Variants in RMC1 observed in about 807,000 individuals in gnomAD.
RMC1 encodes regulator of MON1-CCZ1 complex.
RMC1 carries 44 observed loss-of-function variants against 95.5 expected under a neutral mutation model. The observed-to-expected ratio is 0.46, with a 90% confidence interval of 0.36 to 0.59. The LOEUF (loss-of-function observed/expected upper bound fraction) is 0.59, where lower values mean the gene tolerates loss of function less well. Ranked by LOEUF, RMC1 falls within the 20% of genes least tolerant of loss-of-function variation. The pLI is 0.00. For synonymous variants in RMC1, 320 were observed against 303.6 expected, an observed-to-expected ratio of 1.05 and a Z score of -0.56; for missense variants, 705 against 819.6, an observed-to-expected ratio of 0.86 and a Z score of 1.71.
intron 3 of RMC1, 136 bp downstream of exon 3, chr18:23,507,190 A>C (rs2057737219): frequency 3.9e-6 from 2 of 511,216 alleles, no homozygotes; most frequent in African/African-American, 2.0e-5. Flanking sequence ...GTTGCATTGT[A>C]TTAGAGCCTT....
intron 19 of RMC1, 130 bp from the exon 20 acceptor site, chr18:23,531,495 A>C (rs1399868169): frequency 3.7e-5 from 54 of 1,469,682 alleles, no homozygotes; most frequent in Non-Finnish European, 4.7e-5. Context: ...GGTAACCCCA[A>C]AACTTAGGAA....
chr18:23,503,504 C>G (rs985780018), upstream of RMC1: 18 of 576,962 alleles, frequency 3.1e-5, no homozygotes, highest in South Asian at 5.2e-4. Flanking sequence ...GCGTCCGCGC[C>G]GGGCCCAGAG....
chr18:23,515,671 T>TA (rs1187912130), intron 5 of RMC1, among the ~76,000 whole-genome samples, 185 bp from the exon 6 acceptor site: 1 of 152,204 alleles, frequency 6.6e-6, no homozygotes, highest in Non-Finnish European at 1.5e-5. Flanking sequence ...TAGCTGGAAT[T>TA]ACAGGCATGT....
chr18:23,529,902 G>A (rs556676898), intron 16 of RMC1, 126 bp from the exon 17 acceptor site: 99 of 1,092,112 alleles, frequency 9.1e-5, no homozygotes, highest in Middle Eastern at 6.5e-4. Context: ...CCTGCATGAC[G>A]AAACCACTTC....
chr18:23,503,509 C>A (rs930944022), upstream of RMC1: 8 of 650,498 alleles, frequency 1.2e-5, no homozygotes, highest in South Asian at 4.1e-4. Flanking sequence ...CGCGCCGGGC[C>A]CAGAGCCGCA....
At chr18:23,528,650 G>A (rs57440424) in intron 14 of RMC1, 70,637 of 152,198 alleles carry the variant, frequency 0.46, 16,664 homozygotes, top group East Asian at 0.6. Context: ...AGGGATGGCT[G>A]AGTCCTTTTG....
intron 5 of RMC1, among the ~76,000 whole-genome samples, chr18:23,509,998 T>C (rs2057809023): frequency 6.7e-6 from 1 of 149,798 alleles, no homozygotes; most frequent in South Asian, 2.1e-4. Context: ...TTTTTTTTTT[T>C]TATAATTGCA....
At chr18:23,504,095 G>GTA (rs1005817717) in intron 1 of RMC1, among the ~76,000 whole-genome samples, 2 of 152,204 alleles carry the variant, frequency 1.3e-5, no homozygotes, top group African/African-American at 2.4e-5. Flanking sequence ...GGAAAAGACT[G>GTA]TACTTCAGGC....
Position 23,524,138 on chromosome 18 carries a change from GC to G in RMC1, c.972del (p.Val325Ter). The stretch of plus-strand genomic sequence containing the variant: ...GTTTTCTCAATTTGTAGGTCCTGCT[GC>G]CGTGACCAGCCAGTCTCCTGTTCCA... ...PYQIPITGPA[A>X]VTSQSPVPCK... On this transcript the variant is annotated frameshift_variant, in exon 11 of 20. Transcript: ENST00000269221. LOFTEE classifies it high-confidence loss of function. 6.2e-7 allele frequency: 1 copy of G among 1,614,094 alleles called. No homozygotes were observed. The highest frequency in any genetic ancestry group is 8.5e-7 in the Non-Finnish European group (1 of 1,180,048).
intron 9 of RMC1, among the ~76,000 whole-genome samples, chr18:23,519,880 T>C (rs2058099518): frequency 6.6e-6 from 1 of 152,128 alleles, no homozygotes; most frequent in African/African-American, 2.4e-5. Context: ...TCCTCTACCC[T>C]CCCAGAGGGT....
chr18:23,528,086 C>T (rs2058361210), intron 14 of RMC1, 185 bp downstream of exon 14: 2 of 535,940 alleles, frequency 3.7e-6, no homozygotes, highest in Non-Finnish European at 6.5e-6. Flanking sequence ...AGGGTCCCTG[C>T]ATCCCACGAG....
At chr18:23,508,094 T>A in intron 4 of RMC1, 53 bp downstream of exon 4, 1 of 1,535,670 alleles carries the variant, frequency 6.5e-7, no homozygotes, top group Non-Finnish European at 8.8e-7. Flanking sequence ...TTGAGCTGGG[T>A]TATGTAGTGG....
intron 6 of RMC1, 126 bp from the exon 7 acceptor site, chr18:23,516,194 C>A: frequency 1.5e-6 from 2 of 1,332,140 alleles, no homozygotes; most frequent in Non-Finnish European, 2.1e-6. Flanking sequence ...TGTGAGAGGA[C>A]ATGGGGGACG....
At chr18:23,521,999 T>C (rs1290098966) in intron 10 of RMC1, among the ~76,000 whole-genome samples, 1 of 152,246 alleles carries the variant, frequency 6.6e-6, no homozygotes, top group Non-Finnish European at 1.5e-5. Context: ...GTTTTATTCT[T>C]TGTCCGATGG....
intron 5 of RMC1, 132 bp downstream of exon 5, chr18:23,509,411 C>T: frequency 3.0e-6 from 1 of 334,796 alleles, no homozygotes; most frequent in Non-Finnish European, 5.3e-6. Flanking sequence ...GCTCTGTTGC[C>T]CAGGCTGCAG....
intron 7 of RMC1, among the ~76,000 whole-genome samples, chr18:23,518,548 C>T (rs759767386): frequency 6.6e-6 from 1 of 151,942 alleles, no homozygotes; most frequent in Non-Finnish European, 1.5e-5. Context: ...AAGGAATATA[C>T]ATTCATTATA....
intron 14 of RMC1, chr18:23,528,150 G>C: frequency 5.2e-6 from 2 of 384,524 alleles, no homozygotes; most frequent in Non-Finnish European, 9.3e-6. Context: ...TCCCATCTGT[G>C]TTTGATCTTG....
At chr18:23,531,180 G>T (rs2058491846) in intron 19 of RMC1, among the ~76,000 whole-genome samples, 1 of 151,978 alleles carries the variant, frequency 6.6e-6, no homozygotes. Flanking sequence ...TAGTAGAGAT[G>T]GGGTTTTACT....
At chr18:23,521,351 G>A (rs1165389744) in intron 10 of RMC1, among the ~76,000 whole-genome samples, 1 of 152,224 alleles carries the variant, frequency 6.6e-6, no homozygotes, top group Non-Finnish European at 1.5e-5. Flanking sequence ...CACCCGTAAC[G>A]TTTTCTGTTT....
Sources: allele counts gnomAD v4.1 joint callset (sites outside exome capture counted in the v4.1 genomes callset), GRCh38; gene constraint gnomAD v4.1.1; transcripts MANE v1.5; gene names NCBI Gene and HGNC (gene_info 2026-07-23, HGNC 2026-07-21).